FLT1: variants seen among roughly 807,000 people sequenced by gnomAD.
FLT1 encodes the protein vascular endothelial growth factor receptor 1.
In FLT1, 49 loss-of-function variants were observed where a neutral mutation model predicts 156.3. That is an observed-to-expected ratio of 0.31 (90% confidence interval 0.25 to 0.40). The LOEUF (loss-of-function observed/expected upper bound fraction) is 0.40, where lower values mean the gene tolerates loss of function less well. Ranked by LOEUF, FLT1 falls within the 10% of genes least tolerant of loss-of-function variation. The pLI is 1.00. For missense variants in FLT1, 1,322 were observed against 1,637.2 expected (o/e 0.81, Z 3.32); for synonymous variants, 594 against 583.8 (o/e 1.02, Z -0.25).
intron 10 of FLT1, among the ~76,000 whole-genome samples, chr13:28,417,888 C>T (rs976444364): frequency 6.6e-6 from 1 of 152,136 alleles, no homozygotes; most frequent in Non-Finnish European, 1.5e-5. Flanking sequence ...TCATCAACTA[C>T]AAACCCTCAT....
intron 14 of FLT1, among the ~76,000 whole-genome samples, chr13:28,370,757 G>C (rs1873522887): frequency 6.6e-6 from 1 of 152,154 alleles, no homozygotes; most frequent in African/African-American, 2.4e-5. Context: ...ATGTAAGTTT[G>C]TGCGCACACC....
At chr13:28,377,028 T>G (rs1873866938) in intron 14 of FLT1, among the ~76,000 whole-genome samples, 1 of 152,218 alleles carries the variant, frequency 6.6e-6, no homozygotes, top group African/African-American at 2.4e-5. Context: ...ACAGGATTCA[T>G]CTCTGACTTT....
chr13:28,436,570 C>T (rs1219890677), intron 4 of FLT1, among the ~76,000 whole-genome samples: 1 of 152,150 alleles, frequency 6.6e-6, no homozygotes, highest in African/African-American at 2.4e-5. Flanking sequence ...TCCTGATGAC[C>T]AAACAACCCA....
Position 28,463,800 on chromosome 13 carries a change from G to A in FLT1, c.388+3103C>T, listed in dbSNP as rs547979464. ...AAGATCAAATTTTCTCAGAAAGAGA[G>A]TTAATAAAATAATGAGAGAGAGACA... On this transcript the variant is annotated intron_variant, in intron 3 of 29. Transcript: ENST00000282397. Among the ~76,000 whole-genome samples the A allele has an allele frequency of 3.3e-5, 5 of 152,266 alleles. No homozygotes were observed. The East Asian group carries it at 9.6e-4, about 29-fold the overall frequency.
chr13:28,342,966 C>CTCTCTCTCTT (rs1187713233), intron 16 of FLT1, among the ~76,000 whole-genome samples: 4 of 150,188 alleles, frequency 2.7e-5, no homozygotes, highest in African/African-American at 9.8e-5. Flanking sequence ...CTCTCTCTCT[C>CTCTCTCTCTT]TCTTTCTTTC....
intron 1 of FLT1, among the ~76,000 whole-genome samples, chr13:28,484,250 A>C (rs779902808): frequency 6.6e-6 from 1 of 152,200 alleles, no homozygotes; most frequent in Non-Finnish European, 1.5e-5. Context: ...ATTCTGGAAA[A>C]GCTGTGAGCT....
At chr13:28,475,113 A>T (rs1165264768) in intron 1 of FLT1, among the ~76,000 whole-genome samples, 1 of 152,204 alleles carries the variant, frequency 6.6e-6, no homozygotes, top group Non-Finnish European at 1.5e-5. Flanking sequence ...CATGTTGCAA[A>T]AAACTTGCTG....
At chr13:28,403,081 A>C (rs1464741986) in intron 11 of FLT1, among the ~76,000 whole-genome samples, 1 of 152,198 alleles carries the variant, frequency 6.6e-6, no homozygotes, top group Non-Finnish European at 1.5e-5. Context: ...GGCATGAGGC[A>C]CTGCGTCTGG....
intron 3 of FLT1, among the ~76,000 whole-genome samples, chr13:28,441,695 C>T (rs1225217275): frequency 1.3e-5 from 2 of 152,266 alleles, no homozygotes; most frequent in East Asian, 3.9e-4. Context: ...AGTCTCAGCA[C>T]TTTGGGAGGC....
Position 28,306,735 on chromosome 13 carries a change from G to C in FLT1, c.3758C>G (p.Pro1253Arg), listed in dbSNP as rs769040117. Reference sequence around the variant, plus strand: ...AGTCCAGGTGAAGCGCTTCAGCATGGGAGAGGCCAACAGAGTGCTGCTGTC... The same window carrying C: ...AGTCCAGGTGAAGCGCTTCAGCATGCGAGAGGCCAACAGAGTGCTGCTGTC... Reference protein sequence around the residue: ...QGDSSTLLASPMLKRFTWTDS... With the variant: ...QGDSSTLLASRMLKRFTWTDS... The change falls in exon 29 of 30, where the codon CCC becomes CGC. Residue 1253 changes from proline (P) to arginine (R), a missense_variant. This residue lies in a region of FLT1 where 329 missense variants were observed against 366.2 expected (regional missense o/e 0.90). Coordinates refer to ENST00000282397, the MANE Select transcript of FLT1 (RefSeq NM_002019.4). The C allele has an allele frequency of 1.9e-6, 3 of 1,613,898 alleles. No homozygotes were observed. The Admixed American group carries it at 5.0e-5, about 27-fold the overall frequency.
chr13:28,365,168 CTTTTA>C (rs1873243882), intron 14 of FLT1, among the ~76,000 whole-genome samples: 1 of 152,022 alleles, frequency 6.6e-6, no homozygotes, highest in African/African-American at 2.4e-5. Context: ...TTTAGGTTTT[CTTTTA>C]TGTCATTTAA....
intron 3 of FLT1, among the ~76,000 whole-genome samples, chr13:28,453,939 C>T (rs1412931018): frequency 6.6e-6 from 1 of 151,908 alleles, no homozygotes; most frequent in African/African-American, 2.4e-5. Flanking sequence ...AGCACCATCC[C>T]GAGTTTGGGG....
intron 3 of FLT1, among the ~76,000 whole-genome samples, chr13:28,446,023 C>G (rs1396897707): frequency 1.3e-5 from 2 of 152,112 alleles, no homozygotes; most frequent in Non-Finnish European, 2.9e-5. Context: ...AATGTAATTA[C>G]TATATCATGT....
chr13:28,317,416 A>C, intron 25 of FLT1, 82 bp downstream of exon 25: 1 of 900,028 alleles, frequency 1.1e-6, no homozygotes, highest in South Asian at 1.3e-5. Flanking sequence ...GGACTCTAAG[A>C]ATCCATAAAA....
chr13:28,355,074 A>G (rs1178899970), intron 15 of FLT1, among the ~76,000 whole-genome samples: 1 of 152,234 alleles, frequency 6.6e-6, no homozygotes, highest in Non-Finnish European at 1.5e-5. Context: ...TCACTGAAAG[A>G]GTGCTTTTGC....
At chr13:28,464,605 AC>A (rs1879752970) in intron 3 of FLT1, among the ~76,000 whole-genome samples, 1 of 152,264 alleles carries the variant, frequency 6.6e-6, no homozygotes, top group South Asian at 2.1e-4. Flanking sequence ...ACAGACATGG[AC>A]CGTGCCATCA....
chr13:28,364,428 T>C (rs566904604), intron 14 of FLT1, among the ~76,000 whole-genome samples: 1 of 152,314 alleles, frequency 6.6e-6, no homozygotes, highest in African/African-American at 2.4e-5. Flanking sequence ...ATCAAATTTG[T>C]CAGTATTTTT....
At chr13:28,421,313 A>T (rs1454927766) in intron 10 of FLT1, among the ~76,000 whole-genome samples, 2 of 152,168 alleles carry the variant, frequency 1.3e-5, no homozygotes, top group Non-Finnish European at 2.9e-5. Context: ...CAAAAGAATA[A>T]TGTTCTCCCT....
intron 1 of FLT1, among the ~76,000 whole-genome samples, chr13:28,488,265 T>C (rs1881276195): frequency 6.6e-6 from 1 of 152,108 alleles, no homozygotes; most frequent in Admixed American, 6.5e-5. Flanking sequence ...CTGAGCATGG[T>C]GGTACATGCC....
Sources: gnomAD v4.1 joint callset for allele counts (sites outside exome capture counted in the v4.1 genomes callset) on GRCh38, gnomAD v4.1.1 for gene constraint, gnomAD v4.1.1 regional missense constraint, MANE v1.5 for transcripts, NCBI Gene and HGNC (gene_info 2026-07-23, HGNC 2026-07-21) for gene names.